The following TSPEAR variants were observed in gnomAD, a reference collection of about 807,000 sequenced individuals.
The protein encoded by TSPEAR is thrombospondin-type laminin G domain and EAR repeat-containing protein.
In TSPEAR, 69 loss-of-function variants were observed where a neutral mutation model predicts 71.6. The ratio of observed to expected loss-of-function variants is 0.96; its 90% CI spans 0.79 to 1.18. The LOEUF (loss-of-function observed/expected upper bound fraction) is 1.18, where lower values mean the gene tolerates loss of function less well. TSPEAR is among the 50% of genes most tolerant of loss of function. TSPEAR has a pLI of 0.00. For synonymous variants in TSPEAR, 402 were observed against 387.2 expected, an observed-to-expected ratio of 1.04 and a Z score of -0.45; for missense variants, 971 against 894.9, an observed-to-expected ratio of 1.09 and a Z score of -1.09.
chr21:44,699,876 C>A (rs1555951307), intron 1 of TSPEAR, among the ~76,000 whole-genome samples: 1 of 152,198 alleles, frequency 6.6e-6, no homozygotes, highest in Admixed American at 6.5e-5. Context: ...ACTGCCCTCT[C>A]CCCTGACCGG....
At position 44,623,299 on chromosome 21, in the gene TSPEAR, C is replaced by T. The variant is rs916874589; in HGVS notation, c.83-55294G>A. ...TCTTTCATTACTCTAGTGGAGATTACAACATGAATCTATGACTTTTTAAAG... is the reference window on the plus strand; with the variant it reads ...TCTTTCATTACTCTAGTGGAGATTATAACATGAATCTATGACTTTTTAAAG... On this transcript the variant is annotated intron_variant, in intron 1 of 11. Transcript: ENST00000323084. The surrounding 1 kb of genome is among the most constrained non-coding windows in gnomAD (Gnocchi z 4.5). Among the ~76,000 whole-genome samples the T allele has an allele frequency of 3.3e-5, 5 of 152,168 alleles. No homozygotes were observed. Among genetic ancestry groups the T allele is most frequent in the South Asian group, 2.1e-4 (1 of 4,818 alleles).
intron 2 of TSPEAR, chr21:44,558,362 G>C (rs1555920320): frequency 1.2e-6 from 2 of 1,612,696 alleles, no homozygotes; most frequent in Non-Finnish European, 1.7e-6. Context: ...GCTTGCAGCA[G>C]ACAGGCTTGC....
rs184525832 is a variant in TSPEAR, at chr21:44,704,370, C to T, written c.82+7063G>A. On this transcript the variant is annotated intron_variant, in intron 1 of 11. Transcript: ENST00000323084. ...TAGCCTGTCAGTCCAGACTTTACCCCCTCTGTGACATTATCAGCCTCCTTC... is the reference window on the plus strand; with the variant it reads ...TAGCCTGTCAGTCCAGACTTTACCCTCTCTGTGACATTATCAGCCTCCTTC... Among the ~76,000 whole-genome samples, 8 of 152,314 alleles carry T rather than the reference C, an allele frequency of 5.3e-5. No homozygotes were observed. In the East Asian group the frequency reaches 1.2e-3, roughly 22 times the overall value.
intron 9 of TSPEAR, chr21:44,516,171 T>G (rs914981790): frequency 2.4e-4 from 36 of 152,366 alleles, no homozygotes; most frequent in African/African-American, 8.2e-4. Flanking sequence ...TCCAAAAGGC[T>G]TTCCAAAACA....
At chr21:44,547,607 C>T (rs2053322285) in intron 2 of TSPEAR, among the ~76,000 whole-genome samples, 1 of 152,164 alleles carries the variant, frequency 6.6e-6, no homozygotes, top group African/African-American at 2.4e-5. Context: ...ATCATGTGTG[C>T]TCACTTTCTA....
intron 1 of TSPEAR, among the ~76,000 whole-genome samples, chr21:44,590,459 G>A (rs968642778): frequency 6.6e-6 from 1 of 152,120 alleles, no homozygotes; most frequent in African/African-American, 2.4e-5. Flanking sequence ...GGGCAGGGGG[G>A]CCCGCAGGCT....
intron 5 of TSPEAR, among the ~76,000 whole-genome samples, chr21:44,529,311 A>G (rs2052919745): frequency 6.6e-6 from 1 of 152,184 alleles, no homozygotes. Flanking sequence ...ACAAGAGAAA[A>G]TCAAGCGGGG....
At chr21:44,542,852 T>A (rs1467221859) in intron 2 of TSPEAR, among the ~76,000 whole-genome samples, 1 of 150,738 alleles carries the variant, frequency 6.6e-6, no homozygotes, top group Non-Finnish European at 1.5e-5. Flanking sequence ...CCTGGGCACA[T>A]TGGGGTTGAA....
rs1235668896 is a variant in TSPEAR at position 44,499,489 on chromosome 21, GTTCC to G, written c.*290_*293del. 3 of 392,310 alleles carry G rather than the reference GTTCC, an allele frequency of 7.6e-6. No homozygotes were observed. The highest frequency in any genetic ancestry group is 1.4e-5 in the Non-Finnish European group (3 of 217,948). The allele number at this position is 392,310 out of a possible 1,614,324, so 24.3% of individuals were successfully genotyped here. On this transcript the variant is annotated 3_prime_UTR_variant, in exon 12 of 12. Transcript: ENST00000323084. ...TTTGAGGTAAAAATGTATAGAAACG[GTTCC>G]TTGACAGCGAAATCCCCGCTTGACA...
chr21:44,650,569 G>A (rs1984725980), intron 1 of TSPEAR, among the ~76,000 whole-genome samples: 1 of 152,230 alleles, frequency 6.6e-6, no homozygotes, highest in South Asian at 2.1e-4. Context: ...CCCCCAGATG[G>A]GGACAGACTC....
intron 1 of TSPEAR, among the ~76,000 whole-genome samples, chr21:44,604,761 C>T (rs1981203376): frequency 6.6e-6 from 1 of 152,148 alleles, no homozygotes; most frequent in African/African-American, 2.4e-5. Flanking sequence ...AGGTGCGTCT[C>T]TTCTATGTCT....
intron 1 of TSPEAR, chr21:44,627,053 G>A (rs587708693): frequency 8.8e-6 from 13 of 1,475,396 alleles, no homozygotes; most frequent in African/African-American, 1.4e-5. Context: ...GAACAACAAG[G>A]CCAGGAGGGG....
intron 2 of TSPEAR, among the ~76,000 whole-genome samples, chr21:44,536,312 G>T (rs1017128030): frequency 6.6e-6 from 1 of 152,168 alleles, no homozygotes; most frequent in Admixed American, 6.5e-5. Flanking sequence ...CTACCCACTC[G>T]CATTTTGGGC....
At chr21:44,570,403 G>A (rs1394331311) in intron 1 of TSPEAR, among the ~76,000 whole-genome samples, 5 of 152,230 alleles carry the variant, frequency 3.3e-5, no homozygotes, top group Admixed American at 1.3e-4. Context: ...CTGGGTGGGG[G>A]CCTCTGGATG....
At chr21:44,571,385 T>A (rs2053794165) in intron 1 of TSPEAR, among the ~76,000 whole-genome samples, 1 of 152,182 alleles carries the variant, frequency 6.6e-6, no homozygotes, top group Non-Finnish European at 1.5e-5. Context: ...AACACTAGTC[T>A]GGAAAAACCA....
At chr21:44,619,251 A>G (rs1329647850) in intron 1 of TSPEAR, among the ~76,000 whole-genome samples, 3 of 152,252 alleles carry the variant, frequency 2.0e-5, no homozygotes, top group African/African-American at 4.8e-5. Flanking sequence ...TCAAATTACT[A>G]TCTCAGCACT....
intron 7 of TSPEAR, 81 bp downstream of exon 7, chr21:44,527,211 A>AT: frequency 7.3e-7 from 1 of 1,361,938 alleles, no homozygotes; most frequent in South Asian, 1.2e-5. Flanking sequence ...TACCTGCAGA[A>AT]TCAGTGTAGG....
rs1003371399 is a variant in TSPEAR, at chr21:44,673,492, T to C, written c.82+37941A>G. Among the ~76,000 whole-genome samples the C allele has an allele frequency of 1.2e-4, 19 of 152,176 alleles. 1 individual carries two copies. The highest frequency in any genetic ancestry group is 8.3e-4 in the South Asian group (4 of 4,818). On this transcript the variant is annotated intron_variant, in intron 1 of 11. Transcript: ENST00000323084. ...ATTAGATCTAAAGGAAGAGACAGAC[T>C]CCAATACAATAATAGTTGAGGACTT...
In TSPEAR at chr21:44,579,608, C is replaced by T. The variant is rs781856465; in HGVS notation, c.83-11603G>A. 3.2e-5 allele frequency: 31 copies of T among 973,784 alleles called. 1 individual carries two copies. The highest frequency in any genetic ancestry group is 4.1e-5 in the Non-Finnish European group (28 of 674,830). 60.3% of individuals were successfully genotyped at this position (973,784 alleles called of 1,614,324 possible). A position where few individuals can be genotyped will look rare whatever the true frequency, so the allele number is the denominator to read the frequency against. ...CTGGGAGGCAGGAGCTGGGGAGCTT[C>T]GAGGATGGAGATTCCTGGGAGTATG... is the stretch of plus-strand genomic sequence containing the variant. On this transcript the variant is annotated intron_variant, in intron 1 of 11. Transcript: ENST00000323084.
Sources: gnomAD v4.1 joint callset for allele counts (sites outside exome capture counted in the v4.1 genomes callset) on GRCh38, gnomAD v4.1.1 for gene constraint, Gnocchi (gnomAD v3.1) non-coding constraint, MANE v1.5 for transcripts, NCBI Gene and HGNC (gene_info 2026-07-23, HGNC 2026-07-21) for gene names.